Variants in ANK2 observed in about 807,000 individuals in gnomAD.
ANK2 encodes the protein ankyrin-2.
ANK2 carries 83 observed loss-of-function variants against 360.5 expected under a neutral mutation model. The ratio of observed to expected loss-of-function variants is 0.23; its 90% CI spans 0.19 to 0.28. The LOEUF (loss-of-function observed/expected upper bound fraction) is 0.28. ANK2 is among the 10% of genes least tolerant of loss of function. The pLI is 1.00. For missense variants in ANK2, 4,201 were observed against 4,795.7 expected (o/e 0.88, Z 3.66); for synonymous variants, 1,740 against 1,759.5 (o/e 0.99, Z 0.28).
At position 113,274,447 on chromosome 4, in the gene ANK2, T is replaced by C. The variant is rs2059552510; in HGVS notation, c.1486-5T>C. Reference sequence around the variant, plus strand: ...CACTAACTTTTTACTTGGCTTGAGTTGTAGGAGGAACAGACACCTTTACAT... The same window carrying C: ...CACTAACTTTTTACTTGGCTTGAGTCGTAGGAGGAACAGACACCTTTACAT... On this transcript the variant is annotated splice_polypyrimidine_tract_variant and splice_region_variant and intron_variant, in intron 14 of 45. Coordinates refer to ENST00000357077, the MANE Select transcript of ANK2 (RefSeq NM_001148.6). 1 of 1,614,174 alleles carries C rather than the reference T, an allele frequency of 6.2e-7. No individual in the cohort carries two copies. Among genetic ancestry groups the C allele is most frequent in the East Asian group, 2.2e-5 (1 of 44,880 alleles).
At chr4:113,055,901 C>T (rs1334774553) in intron 1 of ANK2, among the ~76,000 whole-genome samples, 1 of 152,138 alleles carries the variant, frequency 6.6e-6, no homozygotes, top group African/African-American at 2.4e-5. Context: ...TTCTTCCTTC[C>T]AGTGTTGCTG....
intron 11 of ANK2, among the ~76,000 whole-genome samples, chr4:113,256,414 A>G (rs978637622): frequency 2.0e-5 from 3 of 152,188 alleles, no homozygotes; most frequent in Admixed American, 6.5e-5. Context: ...TTCATTGTTG[A>G]CTTGATTACT....
intron 1 of ANK2, among the ~76,000 whole-genome samples, chr4:113,069,347 C>A (rs2076736326): frequency 6.6e-6 from 1 of 152,152 alleles, no homozygotes; most frequent in Non-Finnish European, 1.5e-5. Context: ...ACCAAATCAG[C>A]CAAATTAGAG....
intron 20 of ANK2, among the ~76,000 whole-genome samples, chr4:113,292,195 T>C (rs1392122271): frequency 6.6e-6 from 1 of 152,182 alleles, no homozygotes; most frequent in Non-Finnish European, 1.5e-5. Flanking sequence ...TTGGAGTCTG[T>C]TAATCTTGTT....
At chr4:113,287,749 G>A in intron 19 of ANK2, 46 bp downstream of exon 19, 2 of 1,497,310 alleles carry the variant, frequency 1.3e-6, no homozygotes, top group East Asian at 2.3e-5. Context: ...TGGCTGGGAT[G>A]ATTCCCAGTA....
At chr4:112,800,572 T>C in the ANK2 span, among the ~76,000 whole-genome samples, 1 of 152,196 alleles carries the variant, frequency 6.6e-6, no homozygotes, top group Non-Finnish European at 1.5e-5. Flanking sequence ...TTTGCCAGCG[T>C]TGGGAGAATT....
At chr4:112,831,839 T>A (rs2059814934) in intron 1 of ANK2, among the ~76,000 whole-genome samples, 1 of 152,128 alleles carries the variant, frequency 6.6e-6, no homozygotes, top group Non-Finnish European at 1.5e-5. Flanking sequence ...GAATGAACAA[T>A]TCCGGACGTG....
At chr4:112,768,805 T>C in the ANK2 span, among the ~76,000 whole-genome samples, 3 of 152,234 alleles carry the variant, frequency 2.0e-5, no homozygotes, top group African/African-American at 4.8e-5. Flanking sequence ...TGGATATTTA[T>C]ACCCAGCTGT....
At chr4:112,899,654 G>A (rs2082718299) in intron 1 of ANK2, among the ~76,000 whole-genome samples, 1 of 152,088 alleles carries the variant, frequency 6.6e-6, no homozygotes, top group Non-Finnish European at 1.5e-5. Context: ...AGTTTTAGTG[G>A]TAGTGTCTTA....
intron 2 of ANK2, among the ~76,000 whole-genome samples, chr4:113,038,191 A>C (rs1001484467): frequency 6.6e-6 from 1 of 152,032 alleles, no homozygotes; most frequent in African/African-American, 2.4e-5. Flanking sequence ...GAGGCTAAAG[A>C]AAGTTCAAAA....
At chr4:113,227,425 G>A (rs2099237822) in intron 4 of ANK2, among the ~76,000 whole-genome samples, 1 of 152,148 alleles carries the variant, frequency 6.6e-6, no homozygotes, top group South Asian at 2.1e-4. Context: ...AAATGCAAAT[G>A]TGATTATGGT....
chr4:113,195,746 T>C (rs1256174321), intron 2 of ANK2, among the ~76,000 whole-genome samples: 1 of 152,240 alleles, frequency 6.6e-6, no homozygotes, highest in Non-Finnish European at 1.5e-5. Context: ...ATATTTATTC[T>C]ATTTTTCAGG....
chr4:113,196,221 T>G, intron 2 of ANK2, 147 bp from the exon 3 acceptor site: 2 of 651,730 alleles, frequency 3.1e-6, no homozygotes. Flanking sequence ...CTCTCTTAAA[T>G]TAATAGATTC....
At chr4:113,260,391 G>A (rs1439895967) in intron 13 of ANK2, among the ~76,000 whole-genome samples, 1 of 152,104 alleles carries the variant, frequency 6.6e-6, no homozygotes, top group Non-Finnish European at 1.5e-5. Context: ...GCTTCCAACT[G>A]TTGGTCATTT....
the ANK2 span, among the ~76,000 whole-genome samples, chr4:112,708,576 C>T: frequency 6.6e-6 from 1 of 152,082 alleles, no homozygotes; most frequent in Non-Finnish European, 1.5e-5. Flanking sequence ...CAGACATTTA[C>T]TCAGCATAAA....
intron 1 of ANK2, among the ~76,000 whole-genome samples, chr4:113,148,699 A>G (rs574672489): frequency 1.8e-4 from 27 of 152,326 alleles, no homozygotes; most frequent in African/African-American, 6.0e-4. Context: ...ATGACAAGAC[A>G]GAGTTCCTGT....
At position 113,352,891 on chromosome 4, in the gene ANK2, G is replaced by A. The variant is rs184409387; in HGVS notation, c.4427-154G>A. 3.2e-4 allele frequency among the ~76,000 whole-genome samples: 48 copies of A among 151,418 alleles called. 1 individual carries two copies. Among genetic ancestry groups the A allele is most frequent in the Admixed American group, 3.2e-3 (48 of 15,218 alleles). The stretch of plus-strand genomic sequence containing the variant: ...GCCTTGCTTTGCTCTTGTACCCTGA[G>A]GCCTTGTGGATCTACCATTCCCAGC... On this transcript the variant is annotated intron_variant, in intron 37 of 45. Transcript: ENST00000357077.
rs146916670 is a variant in ANK2 at position 112,941,796 on chromosome 4, C to T, written c.21+37282C>T. Reference sequence around the variant, plus strand: ...TTAAACCATATTACATATACATTTACGTGTGTATATTTTTTAATGTATGCA... The same window carrying T: ...TTAAACCATATTACATATACATTTATGTGTGTATATTTTTTAATGTATGCA... On this transcript the variant is annotated intron_variant, in intron 2 of 30. Transcript: ENST00000503271. Among the ~76,000 whole-genome samples the T allele has an allele frequency of 4.9e-3, 735 of 149,214 alleles. 3 individuals carry two copies. The highest frequency in any genetic ancestry group is 7.5e-3 in the Non-Finnish European group (507 of 67,290).
intron 2 of ANK2, among the ~76,000 whole-genome samples, chr4:112,920,652 C>T (rs993374051): frequency 2.6e-5 from 4 of 152,142 alleles, no homozygotes; most frequent in African/African-American, 7.2e-5. Flanking sequence ...CAGGTTTTAC[C>T]ATATTAGTTA....
Sources: allele counts gnomAD v4.1 joint callset (sites outside exome capture counted in the v4.1 genomes callset), GRCh38; gene constraint gnomAD v4.1.1; transcripts MANE v1.5; gene names NCBI Gene and HGNC (gene_info 2026-07-23, HGNC 2026-07-21).